CTNNA2: variants seen among roughly 807,000 people sequenced by gnomAD.
CTNNA2 encodes the protein catenin alpha 2.
A neutral mutation model predicts 101.0 loss-of-function variants in CTNNA2; 42 were observed. That is an observed-to-expected ratio of 0.42 (90% CI 0.32 to 0.54). The LOEUF is 0.54. Ranked by LOEUF, CTNNA2 falls within the 20% of genes least tolerant of loss-of-function variation. The probability of loss-of-function intolerance (pLI) is 0.14; values close to 1 mark genes in which losing one functional copy is unlikely to be tolerated. For missense variants in CTNNA2, 871 were observed against 1,223.1 expected (o/e 0.71, Z 4.29); for synonymous variants, 450 against 456.4 (o/e 0.99, Z 0.18).
chr2:79,873,888 G>C (rs923962993), intron 5 of CTNNA2, among the ~76,000 whole-genome samples, 188 bp from the exon 6 acceptor site: 1 of 152,128 alleles, frequency 6.6e-6, no homozygotes, highest in African/African-American at 2.4e-5. Context: ...GGTCACTATA[G>C]AGACCTAGCT....
intron 4 of CTNNA2, among the ~76,000 whole-genome samples, chr2:79,451,363 G>A (rs77918110): frequency 0.019 from 2,920 of 151,964 alleles, 41 homozygotes; most frequent in Non-Finnish European, 0.029. Flanking sequence ...ATTCAGATAC[G>A]TTTTTGAAAA....
At chr2:79,228,007 G>T (rs552956969) in intron 2 of CTNNA2, among the ~76,000 whole-genome samples, 8 of 152,246 alleles carry the variant, frequency 5.3e-5, no homozygotes, top group Non-Finnish European at 1.2e-4. Context: ...GCTGTATTTT[G>T]TTTTCTGTTT....
intron 7 of CTNNA2, among the ~76,000 whole-genome samples, chr2:80,310,717 A>G (rs1388993556): frequency 1.3e-5 from 2 of 152,182 alleles, no homozygotes; most frequent in East Asian, 3.9e-4. Context: ...CTTTATTATA[A>G]AAAATGTACT....
chr2:80,303,957 A>C lies in CTNNA2; in HGVS notation c.1057-89254A>C. 1 of 1,027,972 alleles carries C rather than the reference A, an allele frequency of 9.7e-7. No individual in the cohort carries two copies. The highest frequency in any genetic ancestry group is 1.3e-6 in the Non-Finnish European group (1 of 746,956). 63.7% of individuals were successfully genotyped at this position (1,027,972 alleles called of 1,614,324 possible). A position where few individuals can be genotyped will look rare whatever the true frequency, so the allele number is the denominator to read the frequency against. Reference sequence around the variant, plus strand: ...CAAAAAATCAAATAAATACATAGAAATAAAGAAGGACCCCCCTCCCCAAAA... The same window carrying C: ...CAAAAAATCAAATAAATACATAGAACTAAAGAAGGACCCCCCTCCCCAAAA... On this transcript the variant is annotated intron_variant, in intron 7 of 18. Transcript: ENST00000402739. The surrounding 1 kb of genome is among the most constrained non-coding windows in gnomAD (Gnocchi z 7.7).
At chr2:79,186,798 CA>C (rs2104150711) in intron 1 of CTNNA2, among the ~76,000 whole-genome samples, 1 of 152,284 alleles carries the variant, frequency 6.6e-6, no homozygotes, top group South Asian at 2.1e-4. Context: ...ATCAGAGAGA[CA>C]AAACTTCACC....
intron 7 of CTNNA2, among the ~76,000 whole-genome samples, chr2:80,003,633 T>C (rs1284667076): frequency 6.6e-6 from 1 of 152,186 alleles, no homozygotes; most frequent in Non-Finnish European, 1.5e-5. Context: ...GAATTCCATA[T>C]GTTAATTGCA....
intron 7 of CTNNA2, among the ~76,000 whole-genome samples, chr2:80,297,269 A>G (rs1306035784): frequency 6.6e-6 from 1 of 152,222 alleles, no homozygotes; most frequent in East Asian, 1.9e-4. Context: ...CAAGGAATAA[A>G]GAAACAGTGT....
intron 7 of CTNNA2, among the ~76,000 whole-genome samples, chr2:80,011,853 A>C (rs1693807810): frequency 6.6e-6 from 1 of 152,096 alleles, no homozygotes; most frequent in South Asian, 2.1e-4. Context: ...TTTCATTTTA[A>C]AGTAGTTGAA....
chr2:79,730,750 G>C (rs935582465), intron 2 of CTNNA2, among the ~76,000 whole-genome samples: 1 of 151,892 alleles, frequency 6.6e-6, no homozygotes, highest in African/African-American at 2.4e-5. Context: ...ACAAAACCAT[G>C]AAACTCAAGG....
intron 13 of CTNNA2, among the ~76,000 whole-genome samples, chr2:80,575,799 C>T (rs1234231763): frequency 6.6e-6 from 1 of 152,086 alleles, no homozygotes; most frequent in Non-Finnish European, 1.5e-5. Context: ...TACACACACA[C>T]AATTTTAGAT....
chr2:79,992,774 G>A (rs149757844), intron 7 of CTNNA2, among the ~76,000 whole-genome samples: 1 of 152,270 alleles, frequency 6.6e-6, no homozygotes, highest in East Asian at 1.9e-4. Flanking sequence ...TCTTAAACTT[G>A]TGAGTATAGT....
chr2:79,266,149 C>T (rs554384747), intron 2 of CTNNA2, among the ~76,000 whole-genome samples: 151 of 152,252 alleles, frequency 9.9e-4, no homozygotes, highest in African/African-American at 3.4e-3. Context: ...TGCTTTGGGG[C>T]ATTCTGGCCT....
chr2:79,214,512 G>A (rs1674219983), intron 2 of CTNNA2, among the ~76,000 whole-genome samples: 5 of 152,158 alleles, frequency 3.3e-5, no homozygotes, highest in Admixed American at 3.3e-4. Flanking sequence ...TATAACAGGC[G>A]AGTGATAACA....
chr2:80,020,993 CTTT>C lies in CTNNA2; in HGVS notation c.1056+111220_1056+111222del, dbSNP rs869061321. Among the ~76,000 whole-genome samples the C allele has an allele frequency of 7.2e-4, 64 of 89,354 alleles. 1 individual carries two copies. In the East Asian group the frequency reaches 0.02, roughly 28 times the overall value. The allele number at this position is 89,354 out of a possible 152,430, so 58.6% of individuals were successfully genotyped here. ...TGAAATTTTTGGAATGACCAATCATCTTTTTTTTTTTTTTTTTTTTTTTTTTGA... is the reference window on the plus strand; with the variant it reads ...TGAAATTTTTGGAATGACCAATCATCTTTTTTTTTTTTTTTTTTTTTTTGA... On this transcript the variant is annotated intron_variant, in intron 7 of 18. Transcript: ENST00000402739.
At chr2:79,679,991 A>G (rs1015609043) in intron 2 of CTNNA2, among the ~76,000 whole-genome samples, 2 of 152,174 alleles carry the variant, frequency 1.3e-5, no homozygotes, top group African/African-American at 4.8e-5. Context: ...CACCTCAGGA[A>G]CTGGAAATGT....
chr2:80,373,392 T>A (rs1156631795), intron 7 of CTNNA2, among the ~76,000 whole-genome samples: 9 of 152,166 alleles, frequency 5.9e-5, no homozygotes, highest in Non-Finnish European at 1.2e-4. Context: ...GAAAGGGACA[T>A]CATTAAAGAA....
intron 7 of CTNNA2, among the ~76,000 whole-genome samples, chr2:80,370,130 G>T (rs1235825567): frequency 1.3e-5 from 2 of 152,126 alleles, no homozygotes; most frequent in Non-Finnish European, 2.9e-5. Flanking sequence ...CATTTATATT[G>T]TACTGCCATG....
intron 7 of CTNNA2, among the ~76,000 whole-genome samples, chr2:80,040,381 G>A (rs759820766): frequency 6.6e-6 from 1 of 152,142 alleles, no homozygotes; most frequent in African/African-American, 2.4e-5. Context: ...GTCAACTAAG[G>A]CACAGAGAGG....
chr2:80,607,482 A>G (rs1197941298), intron 16 of CTNNA2, among the ~76,000 whole-genome samples: 3 of 151,396 alleles, frequency 2.0e-5, no homozygotes, highest in Non-Finnish European at 3.0e-5. Flanking sequence ...GAAAATCCAA[A>G]CTCCTTAGCC....
Sources: gnomAD v4.1 joint callset for allele counts (sites outside exome capture counted in the v4.1 genomes callset) on GRCh38, gnomAD v4.1.1 for gene constraint, Gnocchi (gnomAD v3.1) non-coding constraint, MANE v1.5 for transcripts, NCBI Gene and HGNC (gene_info 2026-07-23, HGNC 2026-07-21) for gene names.